The following NELL2 variants were observed in gnomAD, a reference collection of about 807,000 sequenced individuals.
NELL2 encodes neural EGFL like 2.
In NELL2, 41 loss-of-function variants were observed where a neutral mutation model predicts 109.6. The observed-to-expected ratio is 0.37, with a 90% CI of 0.29 to 0.49. The LOEUF is 0.49. Among genes scored for constraint, NELL2 ranks in the 20% least tolerant of loss-of-function variants. The pLI is 0.98. For missense variants in NELL2, 900 were observed against 1,008.3 expected, an observed-to-expected ratio of 0.89 and a Z score of 1.45; for synonymous variants, 355 against 344.7, an observed-to-expected ratio of 1.03 and a Z score of -0.33.
intron 9 of NELL2, among the ~76,000 whole-genome samples, chr12:44,751,750 T>A (rs1034820290): frequency 1.3e-5 from 2 of 152,152 alleles, no homozygotes; most frequent in Non-Finnish European, 2.9e-5. Flanking sequence ...GAAATAAAAA[T>A]AATGAGTTCA....
At chr12:44,676,167 A>G (rs1427723626) in intron 12 of NELL2, among the ~76,000 whole-genome samples, 1 of 152,150 alleles carries the variant, frequency 6.6e-6, no homozygotes, top group Non-Finnish European at 1.5e-5. Flanking sequence ...AATATGGGTT[A>G]TTGCTAAGTC....
At chr12:44,872,776 T>C (rs1945201542) in intron 2 of NELL2, among the ~76,000 whole-genome samples, 1 of 152,228 alleles carries the variant, frequency 6.6e-6, no homozygotes. Flanking sequence ...CTCACGGATT[T>C]TGTAATTTGT....
chr12:44,589,763 A>C (rs1160528771), intron 15 of NELL2, among the ~76,000 whole-genome samples: 1 of 152,196 alleles, frequency 6.6e-6, no homozygotes, highest in Admixed American at 6.5e-5. Flanking sequence ...GAAAACCAAA[A>C]TTTATTCACC....
At chr12:44,807,404 C>T (rs1294939426) in intron 3 of NELL2, among the ~76,000 whole-genome samples, 1 of 151,154 alleles carries the variant, frequency 6.6e-6, no homozygotes, top group Non-Finnish European at 1.5e-5. Flanking sequence ...AAAAAAATAT[C>T]CGTTCATTAA....
intron 1 of NELL2, among the ~76,000 whole-genome samples, chr12:44,919,288 A>G (rs951273894): frequency 6.6e-6 from 1 of 152,114 alleles, no homozygotes; most frequent in Non-Finnish European, 1.5e-5. Flanking sequence ...ATGAAGATAA[A>G]TGGTGCTCAG....
chr12:44,750,922 T>C (rs572834757), intron 9 of NELL2, among the ~76,000 whole-genome samples: 3 of 152,198 alleles, frequency 2.0e-5, no homozygotes, highest in Admixed American at 6.5e-5. Flanking sequence ...GTAAGCAATA[T>C]TCAAGAAGGT....
At chr12:44,601,354 T>C (rs1406833690) in intron 15 of NELL2, among the ~76,000 whole-genome samples, 2 of 152,140 alleles carry the variant, frequency 1.3e-5, no homozygotes, top group Non-Finnish European at 2.9e-5. Context: ...ACTAAGAACT[T>C]TTGACTACTT....
intron 16 of NELL2, among the ~76,000 whole-genome samples, chr12:44,530,198 TAAA>T (rs1941976372): frequency 6.6e-6 from 1 of 152,028 alleles, no homozygotes; most frequent in Non-Finnish European, 1.5e-5. Flanking sequence ...TATATAGAAA[TAAA>T]TAAATAGGCG....
intron 2 of NELL2, among the ~76,000 whole-genome samples, chr12:44,822,906 T>C (rs555117535): frequency 1.1e-3 from 165 of 152,248 alleles, no homozygotes; most frequent in Non-Finnish European, 1.3e-3. Context: ...GTGCTAGGTA[T>C]TCCCTATATA....
At chr12:44,683,295 C>T (rs986352068) in intron 12 of NELL2, among the ~76,000 whole-genome samples, 2 of 151,444 alleles carry the variant, frequency 1.3e-5, no homozygotes, top group African/African-American at 4.9e-5. Context: ...GCTGAAGTTG[C>T]TTATCAGCTT....
intron 9 of NELL2, among the ~76,000 whole-genome samples, chr12:44,763,084 T>C (rs1006136427): frequency 6.6e-6 from 1 of 152,166 alleles, no homozygotes; most frequent in African/African-American, 2.4e-5. Context: ...ACTGATTGTC[T>C]CCCCCAGCTC....
intron 12 of NELL2, among the ~76,000 whole-genome samples, chr12:44,678,688 C>T (rs1340013296): frequency 6.6e-6 from 1 of 151,998 alleles, no homozygotes; most frequent in Non-Finnish European, 1.5e-5. Context: ...AATTCAAAAC[C>T]CTGATCAATA....
intron 12 of NELL2, among the ~76,000 whole-genome samples, chr12:44,669,021 C>T (rs1389651717): frequency 1.3e-5 from 2 of 152,118 alleles, no homozygotes; most frequent in African/African-American, 4.8e-5. Flanking sequence ...CACCAATGCA[C>T]CACTGGTGCC....
At chr12:44,560,187 C>A (rs565980818) in intron 15 of NELL2, among the ~76,000 whole-genome samples, 35 of 152,040 alleles carry the variant, frequency 2.3e-4, no homozygotes, top group African/African-American at 8.2e-4. Flanking sequence ...ATTGTTGAGA[C>A]GGAAATTTAT....
intron 9 of NELL2, among the ~76,000 whole-genome samples, chr12:44,762,389 A>G (rs1941162626): frequency 6.6e-6 from 1 of 152,156 alleles, no homozygotes; most frequent in African/African-American, 2.4e-5. Flanking sequence ...CACCATTAAA[A>G]TTCCTGTTGG....
intron 19 of NELL2, among the ~76,000 whole-genome samples, chr12:44,518,145 CT>C (rs1253333486): frequency 6.6e-6 from 1 of 151,934 alleles, no homozygotes; most frequent in Non-Finnish European, 1.5e-5. Context: ...AAAGAAATGA[CT>C]TTAATATCAA....
At chr12:44,895,292 TA>T (rs1222084383) in intron 1 of NELL2, among the ~76,000 whole-genome samples, 2 of 152,158 alleles carry the variant, frequency 1.3e-5, no homozygotes, top group Admixed American at 1.3e-4. Context: ...AACAATTTAG[TA>T]AGGAGCTGTT....
chr12:44,594,295 A>T (rs1411596448), intron 15 of NELL2, among the ~76,000 whole-genome samples: 1 of 151,806 alleles, frequency 6.6e-6, no homozygotes, highest in Non-Finnish European at 1.5e-5. Flanking sequence ...ATAATTTTAA[A>T]AATATATTAT....
chr12:44,641,430 G>A (rs1946849165), intron 13 of NELL2, among the ~76,000 whole-genome samples: 1 of 152,110 alleles, frequency 6.6e-6, no homozygotes, highest in Admixed American at 6.5e-5. Context: ...ATCCAGTAAT[G>A]CCCAGTATCT....
Sources: allele counts gnomAD v4.1 joint callset (sites outside exome capture counted in the v4.1 genomes callset), GRCh38; gene constraint gnomAD v4.1.1; transcripts MANE v1.5; gene names NCBI Gene and HGNC (gene_info 2026-07-23, HGNC 2026-07-21).